Variants in MCC observed in about 807,000 individuals in gnomAD.
The protein encoded by MCC is MCC regulator of Wnt signaling pathway, also known as colorectal mutant cancer protein.
MCC carries 90 observed loss-of-function variants against 116.2 expected under a neutral mutation model. The observed-to-expected ratio is 0.77, with a 90% CI of 0.65 to 0.92. The LOEUF (loss-of-function observed/expected upper bound fraction) is 0.92. Ranked by LOEUF, MCC falls within the 40% of genes least tolerant of loss-of-function variation. The probability of loss-of-function intolerance (pLI) is 0.00; values close to 1 mark genes in which losing one functional copy is unlikely to be tolerated. For synonymous variants in MCC, 578 were observed against 510.5 expected (o/e 1.13, Z -1.78); for missense variants, 1,516 against 1,312.2 (o/e 1.16, Z -2.40).
At chr5:113,101,130 C>G (rs114942421) in intron 8 of MCC, among the ~76,000 whole-genome samples, 2,473 of 152,160 alleles carry the variant, frequency 0.016, 53 homozygotes, top group African/African-American at 0.057. Flanking sequence ...CTAGGTCAGG[C>G]CCTAGGGTGA....
intron 3 of MCC, among the ~76,000 whole-genome samples, chr5:113,232,234 C>G (rs1355204621): frequency 6.6e-6 from 1 of 152,144 alleles, no homozygotes; most frequent in Non-Finnish European, 1.5e-5. Context: ...AACAACATAT[C>G]CAGAATCCTT....
chr5:113,322,087 C>T (rs1461238095), intron 3 of MCC, among the ~76,000 whole-genome samples: 1 of 152,206 alleles, frequency 6.6e-6, no homozygotes, highest in Non-Finnish European at 1.5e-5. Flanking sequence ...CTGCCTCGGG[C>T]TCCCAAAGTG....
chr5:113,258,956 C>T (rs1440723604), intron 3 of MCC, among the ~76,000 whole-genome samples: 1 of 152,138 alleles, frequency 6.6e-6, no homozygotes, highest in Non-Finnish European at 1.5e-5. Flanking sequence ...CTACTCCGAC[C>T]ACATAATTAT....
chr5:113,057,162 A>C (rs1752888730), intron 14 of MCC, among the ~76,000 whole-genome samples: 1 of 152,098 alleles, frequency 6.6e-6, no homozygotes, highest in Non-Finnish European at 1.5e-5. Context: ...AAGAAGGAGA[A>C]GTGGTCAGAG....
intron 3 of MCC, among the ~76,000 whole-genome samples, chr5:113,199,994 G>A (rs974030033): frequency 9.7e-5 from 10 of 103,136 alleles, no homozygotes; most frequent in South Asian, 2.9e-4. Context: ...TTTAGGAACC[G>A]TGTGTGAGAC....
chr5:113,308,011 C>T (rs1258283399), intron 3 of MCC, among the ~76,000 whole-genome samples: 1 of 150,628 alleles, frequency 6.6e-6, no homozygotes, highest in Non-Finnish European at 1.5e-5. Context: ...GTTGCTCTGT[C>T]ACCTAGGCTG....
Position 113,329,385 on chromosome 5 carries a change from C to T in MCC, c.627+11134G>A, listed in dbSNP as rs200018427. 4.2e-3 allele frequency among the ~76,000 whole-genome samples: 146 copies of T among 34,624 alleles called. 1 individual carries two copies. Among genetic ancestry groups the T allele is most frequent in the African/African-American group, 0.011 (33 of 2,874 alleles). 22.7% of individuals were successfully genotyped at this position (34,624 alleles called of 152,430 possible). On this transcript the variant is annotated intron_variant, in intron 3 of 18. Transcript: ENST00000408903. ...AGATGGTGAATAAACTATATATATA[C>T]ACACACACACACACACAGAAACATA...
chr5:113,138,439 C>T (rs75727541), intron 5 of MCC, among the ~76,000 whole-genome samples: 19,109 of 152,192 alleles, frequency 0.13, 1,739 homozygotes, highest in African/African-American at 0.24. Context: ...CTGGTGCCCT[C>T]ATATGAAGAT....
intron 3 of MCC, among the ~76,000 whole-genome samples, chr5:113,171,232 T>C (rs926157853): frequency 2.0e-5 from 3 of 151,834 alleles, no homozygotes; most frequent in Non-Finnish European, 2.9e-5. Flanking sequence ...GCATAGAAAA[T>C]AGAGCTGTTT....
chr5:113,156,952 C>T (rs77115231), intron 3 of MCC, among the ~76,000 whole-genome samples: 4 of 152,144 alleles, frequency 2.6e-5, no homozygotes, highest in South Asian at 2.1e-4. Flanking sequence ...GTCCAGCCCC[C>T]CTGAGCCCAG....
At chr5:113,115,469 C>T (rs1757342366) in intron 6 of MCC, among the ~76,000 whole-genome samples, 1 of 152,178 alleles carries the variant, frequency 6.6e-6, no homozygotes, top group Admixed American at 6.5e-5. Flanking sequence ...ATTTCTGACA[C>T]AATTTGTTTC....
intron 1 of MCC, among the ~76,000 whole-genome samples, chr5:113,462,452 CA>C (rs1771768891): frequency 6.6e-6 from 1 of 151,480 alleles, no homozygotes; most frequent in African/African-American, 2.4e-5. Flanking sequence ...GTCGAAACAA[CA>C]CTTTTAACAC....
intron 12 of MCC, among the ~76,000 whole-genome samples, chr5:113,069,942 G>C (rs1284183236): frequency 6.6e-6 from 1 of 152,198 alleles, no homozygotes; most frequent in Non-Finnish European, 1.5e-5. Context: ...GGGCTGAAAT[G>C]CTAGCCCTAG....
chr5:113,095,569 G>T (rs992550942), intron 8 of MCC, among the ~76,000 whole-genome samples: 1 of 152,098 alleles, frequency 6.6e-6, no homozygotes, highest in South Asian at 2.1e-4. Flanking sequence ...ACCCAGGTTG[G>T]AGTACAATGG....
intron 3 of MCC, among the ~76,000 whole-genome samples, chr5:113,324,949 T>C (rs7718459): frequency 0.031 from 4,692 of 150,968 alleles, 244 homozygotes; most frequent in African/African-American, 0.1. Flanking sequence ...CCTCCCACCC[T>C]AGCCTCCCAA....
intron 3 of MCC, among the ~76,000 whole-genome samples, chr5:113,228,725 G>A (rs1156597164): frequency 2.6e-5 from 4 of 152,198 alleles, no homozygotes; most frequent in Non-Finnish European, 5.9e-5. Context: ...CTCAGCTGCT[G>A]TGGTGAGAAC....
intron 15 of MCC, among the ~76,000 whole-genome samples, chr5:113,051,991 C>A (rs569283723): frequency 6.6e-6 from 1 of 152,192 alleles, no homozygotes; most frequent in South Asian, 2.1e-4. Context: ...TCATAGGGAA[C>A]CAAGCCAGAA....
chr5:113,453,019 C>G (rs1320333177), intron 1 of MCC, among the ~76,000 whole-genome samples: 1 of 152,178 alleles, frequency 6.6e-6, no homozygotes, highest in Non-Finnish European at 1.5e-5. Flanking sequence ...AAAGTATCAA[C>G]AACTGGCTGA....
chr5:113,422,415 A>G (rs1389079995), intron 1 of MCC, among the ~76,000 whole-genome samples: 1 of 150,124 alleles, frequency 6.7e-6, no homozygotes, highest in African/African-American at 2.4e-5. Context: ...ACAAGCTTCT[A>G]TGATTTAATT....
Sources: gnomAD v4.1 joint callset for allele counts (sites outside exome capture counted in the v4.1 genomes callset) on GRCh38, gnomAD v4.1.1 for gene constraint, MANE v1.5 for transcripts, NCBI Gene and HGNC (gene_info 2026-07-23, HGNC 2026-07-21) for gene names.